Variants in VPS8 observed in about 807,000 individuals in gnomAD.
The protein encoded by VPS8 is vacuolar protein sorting-associated protein 8 homolog.
In VPS8, 129 loss-of-function variants were observed where a neutral mutation model predicts 216.4. The ratio of observed to expected loss-of-function variants is 0.60; its 90% confidence interval spans 0.52 to 0.69. The LOEUF is 0.69. VPS8 is among the 30% of genes least tolerant of loss of function. VPS8 has a pLI of 0.00. For missense variants in VPS8, 1,531 were observed against 1,683.5 expected, an observed-to-expected ratio of 0.91 and a Z score of 1.59; for synonymous variants, 571 against 565.4, an observed-to-expected ratio of 1.01 and a Z score of -0.14.
chr3:185,033,529 T>C (rs960518158), intron 46 of VPS8, among the ~76,000 whole-genome samples: 39 of 152,348 alleles, frequency 2.6e-4, no homozygotes, highest in Admixed American at 2.5e-3. Flanking sequence ...ATTCACCTAC[T>C]GCGGGACATC....
intron 24 of VPS8, among the ~76,000 whole-genome samples, chr3:184,899,593 A>AT (rs1020729762): frequency 1.3e-4 from 19 of 151,158 alleles, no homozygotes; most frequent in South Asian, 6.3e-4. Flanking sequence ...TATCTCAAGG[A>AT]TTTTTTTTTG....
intron 45 of VPS8, among the ~76,000 whole-genome samples, chr3:185,010,892 G>C (rs569006405): frequency 1.6e-4 from 24 of 152,204 alleles, no homozygotes; most frequent in African/African-American, 5.8e-4. Flanking sequence ...GGTCCCAGCT[G>C]AGGAGCTGAG....
intron 16 of VPS8, among the ~76,000 whole-genome samples, chr3:184,863,610 A>C (rs1025311035): frequency 2.0e-5 from 3 of 152,216 alleles, no homozygotes; most frequent in Non-Finnish European, 4.4e-5. Flanking sequence ...AGGAGGACGC[A>C]ACAAAGTTAT....
chr3:184,980,295 A>C (rs1749989109), intron 40 of VPS8, among the ~76,000 whole-genome samples: 1 of 151,840 alleles, frequency 6.6e-6, no homozygotes, highest in Admixed American at 6.6e-5. Context: ...ATAATATCTC[A>C]CAAGGGTTCT....
chr3:184,815,379 A>C (rs989840352), intron 1 of VPS8, among the ~76,000 whole-genome samples: 2 of 152,200 alleles, frequency 1.3e-5, no homozygotes, highest in African/African-American at 4.8e-5. Context: ...TGCATTCATT[A>C]CAACAGCTGT....
chr3:184,982,470 AC>A (rs1441672886), intron 40 of VPS8, 95 bp from the exon 41 acceptor site: 9 of 824,276 alleles, frequency 1.1e-5, no homozygotes, highest in Non-Finnish European at 1.7e-5. Context: ...GTACGTTTCA[AC>A]CTGTAAAACA....
chr3:184,881,107 C>T (rs1302089760), intron 21 of VPS8, among the ~76,000 whole-genome samples: 1 of 152,142 alleles, frequency 6.6e-6, no homozygotes, highest in Non-Finnish European at 1.5e-5. Context: ...TTCTTTTCAT[C>T]CTTCTTAACA....
At position 184,897,462 on chromosome 3, in the gene VPS8, G is replaced by C. The variant is rs548196772; in HGVS notation, c.2005-1103G>C. 1.3e-4 allele frequency among the ~76,000 whole-genome samples: 20 copies of C among 152,300 alleles called. No homozygotes were observed. In the South Asian group the frequency reaches 1.5e-3, roughly 11 times the overall value. ...TCTAAGTTTGAGAGACAAATCAGGA[G>C]TTCTGGTTGGCCATTTTATTTTGAG... On this transcript the variant is annotated intron_variant, in intron 23 of 47. Transcript: ENST00000625842.
At chr3:184,981,873 C>T (rs927746410) in intron 40 of VPS8, among the ~76,000 whole-genome samples, 2 of 152,022 alleles carry the variant, frequency 1.3e-5, no homozygotes, top group African/African-American at 4.8e-5. Context: ...AAGATAATAC[C>T]TACTGTATAA....
At chr3:184,854,628 T>A (rs1362871134) in intron 13 of VPS8, among the ~76,000 whole-genome samples, 2 of 152,186 alleles carry the variant, frequency 1.3e-5, no homozygotes, top group Admixed American at 1.3e-4. Flanking sequence ...TGATTTTCAG[T>A]GTTTGAAAGA....
At chr3:184,852,419 T>C (rs1353407061) in intron 10 of VPS8, 81 bp from the exon 11 acceptor site, 3 of 1,299,348 alleles carry the variant, frequency 2.3e-6, no homozygotes, top group Non-Finnish European at 3.2e-6. Flanking sequence ...TATTGTAGTT[T>C]TTCAAAATTG....
chr3:184,891,719 CT>C (rs1732391010), intron 22 of VPS8, among the ~76,000 whole-genome samples: 1 of 151,948 alleles, frequency 6.6e-6, no homozygotes, highest in African/African-American at 2.4e-5. Flanking sequence ...TTTGCTTTTG[CT>C]TTTATAAATA....
At chr3:185,004,410 A>G (rs111360131) in intron 45 of VPS8, among the ~76,000 whole-genome samples, 221 of 152,346 alleles carry the variant, frequency 1.5e-3, no homozygotes, top group Middle Eastern at 0.01. Context: ...GGGAGGCTGC[A>G]GCGAGCCGAG....
intron 22 of VPS8, among the ~76,000 whole-genome samples, chr3:184,888,753 C>T (rs1041721188): frequency 2.6e-5 from 4 of 152,010 alleles, no homozygotes; most frequent in Non-Finnish European, 5.9e-5. Context: ...AAGTGAAGTG[C>T]CTGAAGGACT....
intron 18 of VPS8, chr3:184,868,338 G>A (rs765303687): frequency 2.3e-5 from 8 of 352,490 alleles, no homozygotes; most frequent in Non-Finnish European, 3.6e-5. Flanking sequence ...CGCAGCTCTT[G>A]TAGGAATTCC....
intron 34 of VPS8, among the ~76,000 whole-genome samples, chr3:184,933,386 G>A (rs1402040777): frequency 6.6e-6 from 1 of 151,886 alleles, no homozygotes; most frequent in African/African-American, 2.4e-5. Flanking sequence ...GAAGTTTTTT[G>A]CCCACTTTTC....
At chr3:184,830,323 G>A (rs1329297490) in intron 3 of VPS8, among the ~76,000 whole-genome samples, 1 of 152,134 alleles carries the variant, frequency 6.6e-6, no homozygotes, top group African/African-American at 2.4e-5. Context: ...TCTAGTGATT[G>A]AAACTTTATA....
At chr3:184,953,340 T>C (rs1370241600) in intron 36 of VPS8, among the ~76,000 whole-genome samples, 2 of 152,186 alleles carry the variant, frequency 1.3e-5, no homozygotes, top group East Asian at 3.8e-4. Context: ...ATACATTGAT[T>C]TGGCTTAAAA....
chr3:184,931,995 T>C (rs991023833), intron 34 of VPS8, among the ~76,000 whole-genome samples: 3 of 152,124 alleles, frequency 2.0e-5, no homozygotes, highest in African/African-American at 7.2e-5. Context: ...AAACTCAAGC[T>C]AGGGGAGCAA....
Sources: allele counts gnomAD v4.1 joint callset (sites outside exome capture counted in the v4.1 genomes callset), GRCh38; gene constraint gnomAD v4.1.1; transcripts MANE v1.5; gene names NCBI Gene and HGNC (gene_info 2026-07-23, HGNC 2026-07-21).